BACH2: variants seen among roughly 807,000 people sequenced by gnomAD.
BACH2 encodes BACH transcriptional regulator 2.
BACH2 carries 5 observed loss-of-function variants against 61.8 expected under a neutral mutation model. The observed-to-expected ratio is 0.08, with a 90% confidence interval of 0.04 to 0.17. The LOEUF (loss-of-function observed/expected upper bound fraction) is 0.17, where lower values mean the gene tolerates loss of function less well. Among genes scored for constraint, BACH2 ranks in the 10% least tolerant of loss-of-function variants. The pLI, the probability that BACH2 is intolerant of heterozygous loss-of-function variation, is 1.00. For missense variants in BACH2, 824 were observed against 1,091.1 expected, an observed-to-expected ratio of 0.76 and a Z score of 3.45; for synonymous variants, 446 against 440.1, an observed-to-expected ratio of 1.01 and a Z score of -0.17.
Position 90,008,790 on chromosome 6 carries a change from GGACT to G in BACH2, c.51_54del (p.Val18ThrfsTer21). The G allele has an allele frequency of 6.2e-7, 1 of 1,614,082 alleles. No homozygotes were observed. On this transcript the variant is annotated frameshift_variant, in exon 6 of 9. Transcript: ENST00000257749. LOFTEE classifies it high-confidence loss of function. This position sits in a 1 kb window ranked among gnomAD's most constrained non-coding sequence, Gnocchi z 4.1. Reference sequence around the variant, plus strand: ...AGGCCCAGGAGGATGTTGGTGCAGTGGACTGTGGACTCATACACATACATGGGGG... The same window carrying G: ...AGGCCCAGGAGGATGTTGGTGCAGTGGTGGACTCATACACATACATGGGGG...
intron 4 of BACH2, among the ~76,000 whole-genome samples, chr6:90,151,000 A>G (rs982259038): frequency 2.6e-5 from 4 of 152,184 alleles, no homozygotes; most frequent in Non-Finnish European, 5.9e-5. Context: ...GGACCTATCA[A>G]TAATTACACG....
intron 1 of BACH2, among the ~76,000 whole-genome samples, chr6:90,289,974 T>C (rs896001582): frequency 1.4e-4 from 21 of 152,244 alleles, no homozygotes; most frequent in African/African-American, 4.8e-4. Flanking sequence ...TTTCCAAGTA[T>C]GGAAATGAAC....
At chr6:90,150,801 T>A (rs901788532) in intron 4 of BACH2, among the ~76,000 whole-genome samples, 1 of 151,936 alleles carries the variant, frequency 6.6e-6, no homozygotes. Context: ...TGGCTGGGAG[T>A]AGCCCTTGGG....
At chr6:89,993,880 TA>T (rs1412682634) in intron 6 of BACH2, among the ~76,000 whole-genome samples, 1 of 152,072 alleles carries the variant, frequency 6.6e-6, no homozygotes, top group African/African-American at 2.4e-5. Flanking sequence ...TTCTTTTTTA[TA>T]AAACCCAGTT....
At chr6:89,996,143 C>T (rs1776835407) in intron 6 of BACH2, among the ~76,000 whole-genome samples, 2 of 152,214 alleles carry the variant, frequency 1.3e-5, no homozygotes, top group South Asian at 2.1e-4. Context: ...GCCTTAGGCA[C>T]ATGTAAAGCA....
chr6:90,098,240 T>C (rs79319707), intron 4 of BACH2, among the ~76,000 whole-genome samples: 1 of 152,052 alleles, frequency 6.6e-6, no homozygotes, highest in East Asian at 2.0e-4. Context: ...AGCATTTAGT[T>C]CAGCTCCACA....
chr6:89,987,010 G>A (rs981370212), intron 6 of BACH2, among the ~76,000 whole-genome samples: 4 of 152,198 alleles, frequency 2.6e-5, no homozygotes, highest in African/African-American at 9.6e-5. Flanking sequence ...GTCTGGTGAT[G>A]TGACCCAGCC....
chr6:90,091,184 A>G (rs1782143606), intron 4 of BACH2, among the ~76,000 whole-genome samples: 1 of 152,196 alleles, frequency 6.6e-6, no homozygotes, highest in Admixed American at 6.5e-5. Context: ...GCCTAGCTAT[A>G]TATCACAAGC....
chr6:89,991,353 T>TG (rs1776542505), intron 6 of BACH2, among the ~76,000 whole-genome samples: 1 of 152,222 alleles, frequency 6.6e-6, no homozygotes, highest in African/African-American at 2.4e-5. Context: ...TGGATTCAGC[T>TG]GGGGGTGAAT....
intron 6 of BACH2, among the ~76,000 whole-genome samples, chr6:89,967,873 G>A (rs981322451): frequency 6.6e-6 from 1 of 152,114 alleles, no homozygotes; most frequent in Non-Finnish European, 1.5e-5. Flanking sequence ...AGGGAGGCTG[G>A]AGAGTCTCTG....
chr6:89,935,419 C>T (rs181616884), intron 8 of BACH2, among the ~76,000 whole-genome samples: 232 of 152,218 alleles, frequency 1.5e-3, no homozygotes, highest in African/African-American at 5.4e-3. Context: ...AAGCACGGAC[C>T]CCTCCAGGCC....
At chr6:90,130,830 C>A (rs1784053490) in intron 4 of BACH2, among the ~76,000 whole-genome samples, 1 of 152,180 alleles carries the variant, frequency 6.6e-6, no homozygotes, top group Admixed American at 6.5e-5. Context: ...AAAATCCTGG[C>A]CCTGTTTGTT....
chr6:90,086,567 C>T (rs181738294), intron 5 of BACH2, among the ~76,000 whole-genome samples: 100 of 152,288 alleles, frequency 6.6e-4, no homozygotes, highest in African/African-American at 2.3e-3. Flanking sequence ...CCTACTCACT[C>T]GGTGACTGAA....
chr6:90,246,090 A>G (rs1770626633), intron 3 of BACH2, among the ~76,000 whole-genome samples: 1 of 152,220 alleles, frequency 6.6e-6, no homozygotes, highest in African/African-American at 2.4e-5. Context: ...CACAATGAAC[A>G]GTGGGTCCTT....
chr6:89,963,703 T>G (rs1774883344), intron 6 of BACH2, among the ~76,000 whole-genome samples: 1 of 152,134 alleles, frequency 6.6e-6, no homozygotes, highest in Non-Finnish European at 1.5e-5. Flanking sequence ...AAACCCAGTT[T>G]GGGGGATATT....
At chr6:90,112,583 T>C (rs776271480) in intron 4 of BACH2, among the ~76,000 whole-genome samples, 3 of 152,180 alleles carry the variant, frequency 2.0e-5, no homozygotes, top group Non-Finnish European at 4.4e-5. Flanking sequence ...AGACCTGCCT[T>C]ACAAGAGATC....
intron 6 of BACH2, among the ~76,000 whole-genome samples, chr6:89,997,013 AC>A (rs1776885233): frequency 1.3e-5 from 2 of 149,882 alleles, no homozygotes; most frequent in African/African-American, 5.0e-5. Flanking sequence ...GGGCACACAC[AC>A]ACACACACAC....
chr6:89,997,196 T>C (rs530004104), intron 6 of BACH2, among the ~76,000 whole-genome samples: 4 of 152,314 alleles, frequency 2.6e-5, no homozygotes, highest in African/African-American at 9.6e-5. Context: ...CAACATCTAC[T>C]AAAGCAGCCT....
At chr6:89,944,666 A>C (rs774011876) in intron 7 of BACH2, among the ~76,000 whole-genome samples, 3 of 151,706 alleles carry the variant, frequency 2.0e-5, no homozygotes, top group Admixed American at 1.3e-4. Flanking sequence ...TCTGGACTTT[A>C]TCTCTCTCTT....
Sources: gnomAD v4.1 joint callset for allele counts (sites outside exome capture counted in the v4.1 genomes callset) on GRCh38, gnomAD v4.1.1 for gene constraint, Gnocchi (gnomAD v3.1) non-coding constraint, MANE v1.5 for transcripts, NCBI Gene and HGNC (gene_info 2026-07-23, HGNC 2026-07-21) for gene names.